Variants in CSMD1 observed in about 807,000 individuals in gnomAD.
CSMD1 encodes the protein CUB and Sushi multiple domains 1.
Under a neutral mutation model 417.5 loss-of-function variants are expected in CSMD1, and 213 were observed. That is an observed-to-expected ratio of 0.51 (90% CI 0.46 to 0.57). CSMD1 has a LOEUF of 0.57. Ranked by LOEUF, CSMD1 falls within the 20% of genes least tolerant of loss-of-function variation. The pLI, the probability that CSMD1 is intolerant of heterozygous loss-of-function variation, is 0.00. For missense variants in CSMD1, 6,923 were observed against 4,529.7 expected (o/e 1.53, Z -15.17); for synonymous variants, 2,862 against 1,736.8 (o/e 1.65, Z -16.11).
chr8:3,585,886 A>G (rs1378934611), intron 9 of CSMD1, among the ~76,000 whole-genome samples: 1 of 152,156 alleles, frequency 6.6e-6, no homozygotes, highest in Non-Finnish European at 1.5e-5. Context: ...ACCAAGTTAT[A>G]CTCAGTATGT....
chr8:3,549,424 T>C (rs1319960506), intron 10 of CSMD1, among the ~76,000 whole-genome samples: 2 of 152,232 alleles, frequency 1.3e-5, no homozygotes, highest in Non-Finnish European at 2.9e-5. Flanking sequence ...GCTTTGAATG[T>C]TTATGGCCTT....
chr8:4,963,146 G>C (rs913744174), intron 1 of CSMD1, among the ~76,000 whole-genome samples: 3 of 152,078 alleles, frequency 2.0e-5, no homozygotes, highest in East Asian at 3.9e-4. Context: ...GCAGTCAATT[G>C]CCCTCTGTAA....
intron 26 of CSMD1, among the ~76,000 whole-genome samples, chr8:3,263,753 C>T (rs966298421): frequency 1.3e-5 from 2 of 152,108 alleles, no homozygotes; most frequent in African/African-American, 4.8e-5. Flanking sequence ...ATTGTAAAGT[C>T]AACTAACTTT....
chr8:3,259,461 A>G (rs765836365), intron 26 of CSMD1, among the ~76,000 whole-genome samples: 16 of 152,200 alleles, frequency 1.1e-4, no homozygotes, highest in African/African-American at 3.6e-4. Flanking sequence ...CAGGATGCAT[A>G]TCATTCTTAA....
intron 4 of CSMD1, among the ~76,000 whole-genome samples, chr8:4,011,318 C>T (rs1816517105): frequency 1.3e-5 from 2 of 152,124 alleles, no homozygotes; most frequent in Non-Finnish European, 2.9e-5. Context: ...TGCATATAAC[C>T]GTGCTCCAAT....
At chr8:3,230,835 T>A (rs1440182165) in intron 26 of CSMD1, among the ~76,000 whole-genome samples, 1 of 152,170 alleles carries the variant, frequency 6.6e-6, no homozygotes, top group South Asian at 2.1e-4. Flanking sequence ...GCCACCCTAA[T>A]ATTAACAAAA....
At chr8:3,572,691 C>T (rs929148875) in intron 10 of CSMD1, among the ~76,000 whole-genome samples, 11 of 152,120 alleles carry the variant, frequency 7.2e-5, no homozygotes, top group Admixed American at 2.0e-4. Context: ...TTGAAAATGT[C>T]GCAATGGGAT....
intron 26 of CSMD1, among the ~76,000 whole-genome samples, chr8:3,255,941 C>G (rs1268927010): frequency 1.3e-5 from 2 of 152,302 alleles, no homozygotes; most frequent in South Asian, 4.1e-4. Context: ...GCAGAAATCA[C>G]CCATCTTCTG....
intron 1 of CSMD1, among the ~76,000 whole-genome samples, chr8:4,827,524 A>G (rs1209379674): frequency 4.6e-5 from 7 of 152,160 alleles, no homozygotes; most frequent in African/African-American, 1.7e-4. Flanking sequence ...AAAATTTTCC[A>G]CCAAGTTTCT....
chr8:3,685,645 G>A (rs1227697854), intron 7 of CSMD1, among the ~76,000 whole-genome samples: 1 of 152,152 alleles, frequency 6.6e-6, no homozygotes, highest in East Asian at 1.9e-4. Flanking sequence ...ACTGTTTTTA[G>A]AGGCCTGGGG....
At chr8:4,929,837 C>A (rs1243636935) in intron 1 of CSMD1, among the ~76,000 whole-genome samples, 1 of 152,148 alleles carries the variant, frequency 6.6e-6, no homozygotes, top group African/African-American at 2.4e-5. Flanking sequence ...CCAAAAACAT[C>A]CCCATTGGCA....
intron 6 of CSMD1, among the ~76,000 whole-genome samples, chr8:3,715,173 C>G (rs1389784324): frequency 6.6e-6 from 1 of 152,046 alleles, no homozygotes; most frequent in African/African-American, 2.4e-5. Flanking sequence ...TTATTTTTTG[C>G]AAATTATTCA....
chr8:2,973,271 CG>C lies in CSMD1; in HGVS notation c.8768del (p.Pro2923ArgfsTer30). The part of the protein sequence containing the change: ...TGNNPGFCGD[P>X]GTPAHGSRLG... ...GCCGAGACCCATGTGCTGGGGTCCC[CG>C]GATCACCACAGAATCCAGGATTATT... is the stretch of plus-strand genomic sequence containing the variant. On this transcript the variant is annotated frameshift_variant, in exon 57 of 70. Transcript: ENST00000635120. LOFTEE classifies it high-confidence loss of function. The C allele has an allele frequency of 6.2e-7, 1 of 1,613,820 alleles. No homozygotes were observed. The highest frequency in any genetic ancestry group is 8.5e-7 in the Non-Finnish European group (1 of 1,179,818).
At chr8:4,119,128 G>A (rs143751855) in intron 3 of CSMD1, among the ~76,000 whole-genome samples, 1,645 of 152,162 alleles carry the variant, frequency 0.011, 23 homozygotes, top group Middle Eastern at 0.014. Flanking sequence ...ATTAGGGAAC[G>A]TACCTAATGC....
chr8:4,694,906 C>A (rs1807015778), intron 1 of CSMD1, among the ~76,000 whole-genome samples: 1 of 152,182 alleles, frequency 6.6e-6, no homozygotes, highest in South Asian at 2.1e-4. Context: ...AAAATCCAAT[C>A]TATAGCCAAG....
rs929737129 is a variant in CSMD1 at position 3,668,776 on chromosome 8, C to T, written c.1009+39638G>A. Among the ~76,000 whole-genome samples, 3 of 152,116 alleles carry T rather than the reference C, an allele frequency of 2.0e-5. No homozygotes were observed. The East Asian group carries it at 5.8e-4, about 29-fold the overall frequency. On this transcript the variant is annotated intron_variant, in intron 7 of 69. Coordinates refer to ENST00000635120, the MANE Select transcript of CSMD1 (RefSeq NM_033225.6). Reference sequence around the variant, plus strand: ...ACCCATACTGAACATCCTGTATCTACTCTAGTTTTGGCTCATTTTGTTGCC... The same window carrying T: ...ACCCATACTGAACATCCTGTATCTATTCTAGTTTTGGCTCATTTTGTTGCC...
At chr8:3,326,479 C>A (rs911008749) in intron 23 of CSMD1, among the ~76,000 whole-genome samples, 2 of 152,216 alleles carry the variant, frequency 1.3e-5, no homozygotes, top group African/African-American at 4.8e-5. Context: ...TACAAAGACA[C>A]ATCCCAAACT....
intron 7 of CSMD1, among the ~76,000 whole-genome samples, chr8:3,622,511 G>A (rs185273584): frequency 6.6e-6 from 1 of 152,300 alleles, no homozygotes; most frequent in African/African-American, 2.4e-5. Context: ...ACCTGCCCAA[G>A]TTGGGCAAAA....
rs142779732 is a variant in CSMD1, at chr8:4,288,128, G to A, written c.415+131825C>T. Among the ~76,000 whole-genome samples, 77 of 152,176 alleles carry A rather than the reference G, an allele frequency of 5.1e-4. 1 individual carries two copies. Among genetic ancestry groups the A allele is most frequent in the African/African-American group, 1.7e-3 (72 of 41,524 alleles). On this transcript the variant is annotated intron_variant, in intron 3 of 69. Transcript: ENST00000635120. ...TTTGCTAGCCATGCTTTCTGTTCCT[G>A]CAGCATTAAAGTTTGACTGAGAAAA...
Sources: gnomAD v4.1 joint callset for allele counts (sites outside exome capture counted in the v4.1 genomes callset) on GRCh38, gnomAD v4.1.1 for gene constraint, MANE v1.5 for transcripts, NCBI Gene and HGNC (gene_info 2026-07-23, HGNC 2026-07-21) for gene names.